TMTC2: variants seen among roughly 807,000 people sequenced by gnomAD.
TMTC2 encodes protein O-mannosyl-transferase TMTC2.
In TMTC2, 43 loss-of-function variants were observed where a neutral mutation model predicts 82.4. The observed-to-expected ratio is 0.52, with a 90% CI of 0.41 to 0.67. TMTC2 has a LOEUF of 0.67. Among genes scored for constraint, TMTC2 ranks in the 30% least tolerant of loss-of-function variants. TMTC2 has a pLI of 0.00. For synonymous variants in TMTC2, 408 were observed against 381.9 expected (o/e 1.07, Z -0.80); for missense variants, 919 against 1,012.4 (o/e 0.91, Z 1.25).
At chr12:82,912,948 A>T (rs1489527891) in intron 3 of TMTC2, among the ~76,000 whole-genome samples, 3 of 151,512 alleles carry the variant, frequency 2.0e-5, no homozygotes, top group African/African-American at 7.3e-5. Context: ...TGAAAAAAAA[A>T]AAAAAAAGAA....
intron 2 of TMTC2, among the ~76,000 whole-genome samples, chr12:82,885,069 C>CT (rs572580486): frequency 0.14 from 19,992 of 141,058 alleles, 2,853 homozygotes; most frequent in African/African-American, 0.37. Context: ...GATTTTTGTA[C>CT]TTTTTTTTTT....
chr12:82,800,459 A>G (rs1878938676), intron 1 of TMTC2, among the ~76,000 whole-genome samples: 1 of 152,164 alleles, frequency 6.6e-6, no homozygotes, highest in Non-Finnish European at 1.5e-5. Flanking sequence ...ACCCAGCTGG[A>G]CACCAGACTG....
At chr12:82,819,682 T>G (rs373700634) in intron 1 of TMTC2, among the ~76,000 whole-genome samples, 2 of 152,040 alleles carry the variant, frequency 1.3e-5, no homozygotes, top group East Asian at 1.9e-4. Flanking sequence ...TCTGTATTTT[T>G]AGTAGAGACG....
intron 1 of TMTC2, among the ~76,000 whole-genome samples, chr12:82,732,848 T>G (rs2136942857): frequency 6.6e-6 from 1 of 152,334 alleles, no homozygotes; most frequent in South Asian, 2.1e-4. Flanking sequence ...TAGAATATGA[T>G]AAAGCATTGA....
intron 1 of TMTC2, among the ~76,000 whole-genome samples, chr12:82,710,590 G>C (rs1366562689): frequency 1.3e-5 from 2 of 152,198 alleles, no homozygotes; most frequent in Admixed American, 1.3e-4. Flanking sequence ...TGATACATGA[G>C]TAATGAATTA....
At chr12:82,758,221 T>G (rs1425928593) in intron 1 of TMTC2, among the ~76,000 whole-genome samples, 3 of 152,180 alleles carry the variant, frequency 2.0e-5, no homozygotes, top group African/African-American at 7.2e-5. Flanking sequence ...AGTTTTACCC[T>G]GTATGTGTAT....
intron 8 of TMTC2, among the ~76,000 whole-genome samples, chr12:83,013,383 T>C (rs1200721142): frequency 6.6e-6 from 1 of 152,190 alleles, no homozygotes; most frequent in African/African-American, 2.4e-5. Context: ...TTTAGGCACA[T>C]AGCTTATTCT....
chr12:82,868,985 T>A (rs937032483), intron 2 of TMTC2, among the ~76,000 whole-genome samples: 1 of 152,160 alleles, frequency 6.6e-6, no homozygotes, highest in African/African-American at 2.4e-5. Flanking sequence ...TTAATAACAC[T>A]CAGACCAAAT....
intron 2 of TMTC2, among the ~76,000 whole-genome samples, chr12:82,866,574 A>C (rs1003816892): frequency 3.3e-5 from 5 of 152,146 alleles, no homozygotes; most frequent in African/African-American, 7.2e-5. Flanking sequence ...TCTGGGATGC[A>C]TATTACATCA....
chr12:82,932,358 A>T (rs891140949), intron 4 of TMTC2, among the ~76,000 whole-genome samples: 1 of 151,826 alleles, frequency 6.6e-6, no homozygotes, highest in Non-Finnish European at 1.5e-5. Flanking sequence ...TTTCTTTGTC[A>T]CCTGGAATTC....
intron 1 of TMTC2, among the ~76,000 whole-genome samples, chr12:82,823,302 C>A (rs1869222419): frequency 6.6e-6 from 1 of 152,198 alleles, no homozygotes. Context: ...AGTATTATAT[C>A]TTCTGCTAAT....
chr12:82,761,486 G>T (rs1876629669), intron 1 of TMTC2, among the ~76,000 whole-genome samples: 1 of 152,166 alleles, frequency 6.6e-6, no homozygotes, highest in Non-Finnish European at 1.5e-5. Context: ...ATTCAAGCGA[G>T]TATTCGCTTA....
chr12:82,948,373 CA>C (rs5799599), intron 4 of TMTC2, among the ~76,000 whole-genome samples: 3 of 81,298 alleles, frequency 3.7e-5, no homozygotes, highest in Non-Finnish European at 3.3e-5. Context: ...TTAATTTAAA[CA>C]AAAAAAAAAA....
chr12:82,874,955 T>C, intron 2 of TMTC2, among the ~76,000 whole-genome samples: 1 of 152,050 alleles, frequency 6.6e-6, no homozygotes, highest in Non-Finnish European at 1.5e-5. Flanking sequence ...TAAAAAAAAA[T>C]CGTTAAGTGC....
At chr12:82,991,215 C>T (rs1879387231) in intron 8 of TMTC2, among the ~76,000 whole-genome samples, 1 of 151,112 alleles carries the variant, frequency 6.6e-6, no homozygotes, top group Non-Finnish European at 1.5e-5. Flanking sequence ...TTTCTGTCCA[C>T]ATTAAATAAT....
At chr12:82,947,657 A>G (rs1323676965) in intron 4 of TMTC2, among the ~76,000 whole-genome samples, 1 of 152,186 alleles carries the variant, frequency 6.6e-6, no homozygotes, top group Non-Finnish European at 1.5e-5. Flanking sequence ...ATCAAAAGCA[A>G]CAATCGATGG....
chr12:82,810,081 C>A (rs1019851157), intron 1 of TMTC2, among the ~76,000 whole-genome samples: 1 of 151,946 alleles, frequency 6.6e-6, no homozygotes, highest in Non-Finnish European at 1.5e-5. Context: ...CATAATGATA[C>A]TATTGTTTTG....
chr12:82,812,615 G>C (rs538973606), intron 1 of TMTC2, among the ~76,000 whole-genome samples: 1 of 152,160 alleles, frequency 6.6e-6, no homozygotes, highest in South Asian at 2.1e-4. Flanking sequence ...AGTTAAGATA[G>C]AATTATGGAA....
At chr12:82,788,086 C>T (rs1213807741) in intron 1 of TMTC2, among the ~76,000 whole-genome samples, 1 of 151,724 alleles carries the variant, frequency 6.6e-6, no homozygotes, top group African/African-American at 2.4e-5. Context: ...TTCCAGTGTC[C>T]CCACATTTAA....
Sources: allele counts gnomAD v4.1 joint callset (sites outside exome capture counted in the v4.1 genomes callset), GRCh38; gene constraint gnomAD v4.1.1; transcripts MANE v1.5; gene names NCBI Gene and HGNC (gene_info 2026-07-23, HGNC 2026-07-21).